Variants in TENM4 observed in about 807,000 individuals in gnomAD.
TENM4 encodes teneurin transmembrane protein 4.
Under a neutral mutation model 243.3 loss-of-function variants are expected in TENM4, and 82 were observed. That is an observed-to-expected ratio of 0.34 (90% CI 0.28 to 0.40). The LOEUF (loss-of-function observed/expected upper bound fraction) is 0.40, where lower values mean the gene tolerates loss of function less well. Among genes scored for constraint, TENM4 ranks in the 10% least tolerant of loss-of-function variants. The pLI, the probability that TENM4 is intolerant of heterozygous loss-of-function variation, is 1.00. For missense variants in TENM4, 3,138 were observed against 3,673.3 expected (o/e 0.85, Z 3.77); for synonymous variants, 1,412 against 1,456.3 (o/e 0.97, Z 0.69).
chr11:79,358,823 A>G (rs1283189172), intron 1 of TENM4, among the ~76,000 whole-genome samples: 3 of 152,014 alleles, frequency 2.0e-5, no homozygotes, highest in Non-Finnish European at 4.4e-5. Context: ...CATTCATTCA[A>G]TAAATACTAA....
chr11:79,148,692 T>TA lies in TENM4; in HGVS notation c.-66+17dup, dbSNP rs1237981523. The TA allele has an allele frequency of 1.5e-5, 13 of 861,178 alleles. No homozygotes were observed. The highest frequency in any genetic ancestry group is 1.2e-4 in the East Asian group (1 of 8,188). The allele number at this position is 861,178 out of a possible 1,614,324, so 53.3% of individuals were successfully genotyped here. On this transcript the variant is annotated intron_variant, in intron 4 of 33. Coordinates refer to ENST00000278550, the MANE Select transcript of TENM4 (RefSeq NM_001098816.3). Reference sequence around the variant, plus strand: ...TAAATCATGAATACTCTCTGAAGTGTAAAAAAAATCAACTCACTTTTCTTT... The same window carrying TA: ...TAAATCATGAATACTCTCTGAAGTGTAAAAAAAAATCAACTCACTTTTCTTT...
rs201680932 is a variant in TENM4 at position 78,712,575 on chromosome 11, C to T, written c.3961G>A (p.Val1321Ile). The T allele has an allele frequency of 1.6e-4, 263 of 1,613,906 alleles. No individual in the cohort carries two copies. Among genetic ancestry groups the T allele is most frequent in the Non-Finnish European group, 2.2e-4 (256 of 1,179,918 alleles). The change falls in exon 26 of 34, where the codon GTT becomes ATT. Residue 1321 changes from valine to isoleucine, a missense_variant. By Grantham distance (29) the Val-to-Ile change is conservative. This residue lies in a region of TENM4 where 2,467 missense variants were observed against 3,059.1 expected (regional missense o/e 0.81). Transcript: ENST00000278550. ...VKDLVKNSEV[V>I]AGTGDQCLPF... ...AGGCACTGGTCACCTGTCCCCGCAA[C>T]CACCTCAGAGTTCTTGACAAGGTCC...
intron 27 of TENM4, among the ~76,000 whole-genome samples, chr11:78,706,455 T>C (rs1859251062): frequency 6.6e-6 from 1 of 152,180 alleles, no homozygotes; most frequent in South Asian, 2.1e-4. Context: ...CTGCTCCCCA[T>C]GGGGCAGCGG....
chr11:78,870,654 C>G (rs138142745), intron 9 of TENM4, among the ~76,000 whole-genome samples: 4 of 152,236 alleles, frequency 2.6e-5, no homozygotes, highest in African/African-American at 9.6e-5. Flanking sequence ...TTTCTCTGTG[C>G]CATGCAAAGT....
chr11:78,913,090 T>C (rs1341308635), intron 6 of TENM4, among the ~76,000 whole-genome samples: 1 of 152,226 alleles, frequency 6.6e-6, no homozygotes, highest in Non-Finnish European at 1.5e-5. Context: ...AATGAACATC[T>C]GCTTACAAAA....
intron 1 of TENM4, among the ~76,000 whole-genome samples, chr11:79,348,603 C>T (rs1857367525): frequency 6.6e-6 from 1 of 152,172 alleles, no homozygotes; most frequent in African/African-American, 2.4e-5. Flanking sequence ...GGGTGAGACA[C>T]TCATGATGGT....
At chr11:79,164,826 C>T (rs1490153893) in intron 3 of TENM4, among the ~76,000 whole-genome samples, 1 of 151,752 alleles carries the variant, frequency 6.6e-6, no homozygotes. Context: ...TAAGAAGTGC[C>T]TTTCACCTCG....
At chr11:78,820,286 G>A (rs1269211862) in intron 12 of TENM4, among the ~76,000 whole-genome samples, 1 of 152,228 alleles carries the variant, frequency 6.6e-6, no homozygotes, top group East Asian at 1.9e-4. Flanking sequence ...CTTAGATAGA[G>A]AATGGGAGAT....
chr11:78,805,281 C>CACCCACCACACCCCACCCCCA lies in TENM4; in HGVS notation c.2179+10_2179+11insTGGGGGTGGGGTGTGGTGGGT. ...TCCCTCTACCCATGCTTCTTCTCCC[C>CACCCACCACACCCCACCCCCA]CTGCATTTACCGATAGAACAGTCGT... On this transcript the variant is annotated intron_variant, in intron 15 of 33. Transcript: ENST00000278550. 6.7e-7 allele frequency: 1 copy of CACCCACCACACCCCACCCCCA among 1,488,494 alleles called. No individual in the cohort carries two copies. Among genetic ancestry groups the CACCCACCACACCCCACCCCCA allele is most frequent in the Non-Finnish European group, 9.1e-7 (1 of 1,097,816 alleles). 92.2% of individuals were successfully genotyped at this position (1,488,494 alleles called of 1,614,324 possible).
At chr11:78,861,215 T>C (rs1200814128) in intron 10 of TENM4, among the ~76,000 whole-genome samples, 1 of 152,236 alleles carries the variant, frequency 6.6e-6, no homozygotes, top group Non-Finnish European at 1.5e-5. Flanking sequence ...AGGGCCAACA[T>C]GACATTCTGA....
intron 3 of TENM4, among the ~76,000 whole-genome samples, chr11:79,152,154 G>A (rs1862523753): frequency 6.6e-6 from 1 of 152,132 alleles, no homozygotes; most frequent in Admixed American, 6.6e-5. Flanking sequence ...TTGAGCCTGA[G>A]GTTTCTGAAG....
At chr11:79,065,338 C>G (rs1163570501) in intron 5 of TENM4, among the ~76,000 whole-genome samples, 1 of 152,226 alleles carries the variant, frequency 6.6e-6, no homozygotes, top group Non-Finnish European at 1.5e-5. Context: ...TCATACTGCA[C>G]AGTAGAGTTG....
intron 3 of TENM4, among the ~76,000 whole-genome samples, chr11:79,187,447 C>T (rs189452947): frequency 3.3e-5 from 5 of 152,258 alleles, no homozygotes; most frequent in Admixed American, 3.3e-4. Context: ...TCCTAAATAA[C>T]CTTTTGTCAA....
chr11:79,214,039 T>A (rs1250383672), intron 3 of TENM4, among the ~76,000 whole-genome samples: 1 of 151,652 alleles, frequency 6.6e-6, no homozygotes, highest in Non-Finnish European at 1.5e-5. Context: ...TCACCCAGGC[T>A]GGAGTGCAGT....
intron 2 of TENM4, among the ~76,000 whole-genome samples, chr11:79,290,523 T>G (rs1856337227): frequency 6.6e-6 from 1 of 152,034 alleles, no homozygotes; most frequent in Middle Eastern, 3.2e-3. Flanking sequence ...AATCAGTGTG[T>G]GATTTCTAGA....
chr11:79,036,304 T>C (rs1025957316), intron 6 of TENM4, among the ~76,000 whole-genome samples: 1 of 152,228 alleles, frequency 6.6e-6, no homozygotes, highest in Non-Finnish European at 1.5e-5. Context: ...GTTGTTCCTG[T>C]GTATCGCAGG....
chr11:78,975,623 T>C (rs996820870), intron 6 of TENM4, among the ~76,000 whole-genome samples: 5 of 151,612 alleles, frequency 3.3e-5, no homozygotes, highest in African/African-American at 9.7e-5. Flanking sequence ...CACACATATA[T>C]ATATATATAT....
chr11:78,989,327 C>T (rs1038902579), intron 6 of TENM4, among the ~76,000 whole-genome samples: 1 of 152,208 alleles, frequency 6.6e-6, no homozygotes, highest in Non-Finnish European at 1.5e-5. Context: ...TTGGTCCAGT[C>T]CTTCTGTCTG....
intron 3 of TENM4, among the ~76,000 whole-genome samples, chr11:79,184,532 A>C (rs1863347531): frequency 1.4e-5 from 1 of 71,378 alleles, no homozygotes. Flanking sequence ...GGTCCATGGC[A>C]TGGGGTAGGG....
Sources: gnomAD v4.1 joint callset for allele counts (sites outside exome capture counted in the v4.1 genomes callset) on GRCh38, gnomAD v4.1.1 for gene constraint, gnomAD v4.1.1 regional missense constraint, MANE v1.5 for transcripts, NCBI Gene and HGNC (gene_info 2026-07-23, HGNC 2026-07-21) for gene names.